Variants in TMPRSS9 observed in about 807,000 individuals in gnomAD.
The protein encoded by TMPRSS9 is transmembrane serine protease 9.
A neutral mutation model predicts 111.4 loss-of-function variants in TMPRSS9; 113 were observed. That is an observed-to-expected ratio of 1.01 (90% CI 0.87 to 1.19). The LOEUF is 1.19. Among genes scored for constraint, TMPRSS9 ranks in the 50% most tolerant of loss-of-function variants. The pLI, the probability that TMPRSS9 is intolerant of heterozygous loss-of-function variation, is 0.00. For missense variants in TMPRSS9, 1,803 were observed against 1,513.1 expected (o/e 1.19, Z -3.18); for synonymous variants, 805 against 659.1 (o/e 1.22, Z -3.39).
intron 2 of TMPRSS9, among the ~76,000 whole-genome samples, chr19:2,398,251 G>A (rs887078771): frequency 1.3e-5 from 2 of 151,464 alleles, no homozygotes; most frequent in East Asian, 2.0e-4. Context: ...AGCCGAGATC[G>A]TGCCACTGCA....
At chr19:2,375,578 A>G (rs559964862) in intron 1 of TMPRSS9, among the ~76,000 whole-genome samples, 50 of 152,136 alleles carry the variant, frequency 3.3e-4, no homozygotes, top group Middle Eastern at 3.4e-3. Context: ...TTGGCAGGCC[A>G]GGGTCCAGTG....
rs182652216 is a variant in TMPRSS9, at chr19:2,393,039, C to G, written c.142+3112C>G. The stretch of plus-strand genomic sequence containing the variant: ...CAATCAGCACCCTGTCAAAACGGAC[C>G]AGTCAGCTCTCTGTAAAATGGACCA... On this transcript the variant is annotated intron_variant, in intron 1 of 17. Coordinates refer to ENST00000648592, the Ensembl canonical transcript of TMPRSS9. 1.5e-3 allele frequency among the ~76,000 whole-genome samples: 228 copies of G among 152,256 alleles called. 2 individuals are homozygous for G. Among genetic ancestry groups the G allele is most frequent in the African/African-American group, 5.3e-3 (222 of 41,548 alleles).
chr19:2,408,356 G>T lies in TMPRSS9; in HGVS notation c.843G>T (p.Glu281Asp), dbSNP rs1189794714. The change falls in exon 8 of 18, where the codon GAG becomes GAT. Residue 281 changes from glutamate (E) to aspartate (D), a missense_variant and splice_region_variant. Coordinates refer to ENST00000648592, the Ensembl canonical transcript of TMPRSS9. ...TCTGAGCTGGGGTTTGCTCCTGCAGGTTCCAAGACCCGACGAAGTGGGTGG... is the reference window on the plus strand; with the variant it reads ...TCTGAGCTGGGGTTTGCTCCTGCAGTTTCCAAGACCCGACGAAGTGGGTGG... The T allele has an allele frequency of 1.9e-6, 3 of 1,611,576 alleles. No homozygotes were observed. In the Admixed American group the frequency reaches 5.0e-5, roughly 27 times the overall value.
In TMPRSS9 at chr19:2,368,789, T is replaced by TTTTTTTTTTTG. The variant is rs1970267096; in HGVS notation, c.-26+8439_-26+8440insGTTTTTTTTTT. Among the ~76,000 whole-genome samples, 6 of 114,904 alleles carry TTTTTTTTTTTG rather than the reference T, an allele frequency of 5.2e-5. 2 individuals are homozygous for TTTTTTTTTTTG. The highest frequency in any genetic ancestry group is 5.1e-5 in the Non-Finnish European group (3 of 58,870). 75.4% of individuals were successfully genotyped at this position (114,904 alleles called of 152,430 possible). ...GATAAACCCAGTTTTTTTTTTTTTT[T>TTTTTTTTTTTG]TTTTTTTTTTTTAAAGACAGAGTCT... On this transcript the variant is annotated intron_variant, in intron 1 of 17. Coordinates refer to the TMPRSS9 transcript ENST00000649857.
At chr19:2,417,064 A>G (rs1484764291) in intron 12 of TMPRSS9, among the ~76,000 whole-genome samples, 2 of 152,174 alleles carry the variant, frequency 1.3e-5, no homozygotes, top group African/African-American at 2.4e-5. Flanking sequence ...TCACACATCA[A>G]CAGATTGTCT....
At chr19:2,380,113 G>A (rs1377849324) in intron 1 of TMPRSS9, among the ~76,000 whole-genome samples, 1 of 151,974 alleles carries the variant, frequency 6.6e-6, no homozygotes, top group Admixed American at 6.6e-5. Context: ...TTTGGACCTT[G>A]CTGGTGTTGT....
chr19:2,405,542 A>G (rs374006903), exon 7 of TMPRSS9: 127 of 1,568,584 alleles, frequency 8.1e-5, no homozygotes, highest in East Asian at 1.7e-4. Context: ...CACTGCTTCA[A>G]TGAGTAAGCC....
At chr19:2,384,687 C>T (rs905126161) in intron 1 of TMPRSS9, among the ~76,000 whole-genome samples, 13 of 151,778 alleles carry the variant, frequency 8.6e-5, no homozygotes, top group Non-Finnish European at 1.3e-4. Context: ...TGGTGGCGGG[C>T]GCCTGTAGTC....
At chr19:2,365,964 AAAAT>A (rs1048158811) in intron 1 of TMPRSS9, among the ~76,000 whole-genome samples, 2 of 151,968 alleles carry the variant, frequency 1.3e-5, no homozygotes, top group Non-Finnish European at 2.9e-5. Flanking sequence ...ATTCTGTCTC[AAAAT>A]AAATAAATAA....
intron 13 of TMPRSS9, among the ~76,000 whole-genome samples, chr19:2,421,417 T>C (rs1971459910): frequency 6.6e-6 from 1 of 151,396 alleles, no homozygotes; most frequent in Non-Finnish European, 1.5e-5. Context: ...GCCTCCCTAG[T>C]AGGTGGAACT....
intron 14 of TMPRSS9, among the ~76,000 whole-genome samples, chr19:2,422,656 C>T (rs1000345413): frequency 1.3e-4 from 20 of 152,214 alleles, no homozygotes; most frequent in Non-Finnish European, 2.5e-4. Flanking sequence ...GAGGCCAAGG[C>T]GGGTGGATCG....
upstream of TMPRSS9, among the ~76,000 whole-genome samples, chr19:2,389,005 A>G (rs1970530240): frequency 6.6e-6 from 1 of 151,390 alleles, no homozygotes; most frequent in African/African-American, 2.4e-5. Context: ...TACTCTTTCT[A>G]GCAATGGACC....
intron 13 of TMPRSS9, 47 bp from the exon 15 acceptor site, chr19:2,421,805 AAG>A: frequency 2.6e-6 from 4 of 1,533,290 alleles, no homozygotes; most frequent in Non-Finnish European, 3.5e-6. Flanking sequence ...CAGTGCTGGG[AAG>A]AGAGGGTCCC....
chr19:2,369,433 GT>G (rs139439795), intron 1 of TMPRSS9, among the ~76,000 whole-genome samples: 10,857 of 151,662 alleles, frequency 0.072, 1,232 homozygotes, highest in African/African-American at 0.24. Context: ...GCTTTTGTTT[GT>G]TTAAGACAGG....
At chr19:2,386,406 G>A (rs1970476062), upstream of TMPRSS9, among the ~76,000 whole-genome samples, 2 of 151,844 alleles carry the variant, frequency 1.3e-5, no homozygotes, top group East Asian at 1.9e-4. Context: ...TTGGGAGGCT[G>A]AGGCAGGAGA....
In TMPRSS9 at chr19:2,424,322, C is replaced by T. The variant is rs1331798577; in HGVS notation, c.2717+65C>T. 8 of 1,279,092 alleles carry T rather than the reference C, an allele frequency of 6.3e-6. No individual in the cohort carries two copies. In the East Asian group the frequency reaches 1.5e-4, roughly 24 times the overall value. The allele number at this position is 1,279,092 out of a possible 1,614,324, so 79.2% of individuals were successfully genotyped here. On this transcript the variant is annotated intron_variant, in intron 15 of 17. Transcript: ENST00000648592. ...TAGCTCACCCGGAACCGAACTGTTG[C>T]CCGAAAACGCACCCTGACCCCCTCC... is the stretch of plus-strand genomic sequence containing the variant.
At chr19:2,369,352 A>G (rs1970272096) in intron 1 of TMPRSS9, among the ~76,000 whole-genome samples, 1 of 152,164 alleles carries the variant, frequency 6.6e-6, no homozygotes, top group African/African-American at 2.4e-5. Flanking sequence ...TGTGAAGAGG[A>G]GACTGAGGAG....
chr19:2,379,860 A>T (rs897469594), intron 1 of TMPRSS9, among the ~76,000 whole-genome samples: 2 of 150,046 alleles, frequency 1.3e-5, no homozygotes, highest in Non-Finnish European at 3.0e-5. Flanking sequence ...TGGCTCACTG[A>T]TCCTCAGCCT....
At chr19:2,403,861 C>T (rs1201716056) in intron 6 of TMPRSS9, among the ~76,000 whole-genome samples, 14 of 151,772 alleles carry the variant, frequency 9.2e-5, no homozygotes, top group South Asian at 2.1e-4. Flanking sequence ...GGCGTGGTGG[C>T]GGGCGCCTGT....
Sources: allele counts gnomAD v4.1 joint callset (sites outside exome capture counted in the v4.1 genomes callset), GRCh38; gene constraint gnomAD v4.1.1; transcripts MANE v1.5; gene names NCBI Gene and HGNC (gene_info 2026-07-23, HGNC 2026-07-21).